GMDS: variants seen among roughly 807,000 people sequenced by gnomAD.
GMDS encodes the protein GDP-mannose 4,6-dehydratase.
Under a neutral mutation model 49.9 loss-of-function variants are expected in GMDS, and 20 were observed. The ratio of observed to expected loss-of-function variants is 0.40; its 90% CI spans 0.28 to 0.58. The LOEUF is 0.58. GMDS is among the 20% of genes least tolerant of loss of function. The probability of loss-of-function intolerance (pLI) is 0.42; values close to 1 mark genes in which losing one functional copy is unlikely to be tolerated. For synonymous variants in GMDS, 177 were observed against 178.6 expected, an observed-to-expected ratio of 0.99 and a Z score of 0.07; for missense variants, 362 against 481.4, an observed-to-expected ratio of 0.75 and a Z score of 2.32.
intron 6 of GMDS, among the ~76,000 whole-genome samples, chr6:1,936,164 G>A (rs1762520347): frequency 6.6e-6 from 1 of 152,152 alleles, no homozygotes; most frequent in Non-Finnish European, 1.5e-5. Flanking sequence ...TTAAGCAAGT[G>A]TTTTAATTTC....
intron 6 of GMDS, among the ~76,000 whole-genome samples, chr6:1,955,999 G>A (rs1410559266): frequency 2.0e-5 from 3 of 152,134 alleles, no homozygotes; most frequent in Non-Finnish European, 4.4e-5. Flanking sequence ...GGAGCACTTG[G>A]TTACCTGCAT....
chr6:2,016,148 A>G (rs1767887116), intron 4 of GMDS, among the ~76,000 whole-genome samples: 1 of 151,218 alleles, frequency 6.6e-6, no homozygotes. Flanking sequence ...AGTCCCAGCT[A>G]CTTGGGAGGC....
chr6:1,696,168 A>G (rs1345050350), intron 9 of GMDS, among the ~76,000 whole-genome samples: 2 of 152,134 alleles, frequency 1.3e-5, no homozygotes, highest in Non-Finnish European at 2.9e-5. Context: ...TTTCAGCAAA[A>G]AGAAAATCAC....
chr6:1,799,744 T>C (rs189649489), intron 7 of GMDS, among the ~76,000 whole-genome samples: 2 of 152,310 alleles, frequency 1.3e-5, no homozygotes, highest in East Asian at 3.9e-4. Context: ...TAATGCTGTA[T>C]GTTGCCACTA....
intron 7 of GMDS, among the ~76,000 whole-genome samples, chr6:1,783,049 G>T (rs112309905): frequency 1.3e-5 from 2 of 152,166 alleles, no homozygotes; most frequent in Admixed American, 1.3e-4. Context: ...CAGCTACTCT[G>T]GAAGCTGAGG....
intron 9 of GMDS, among the ~76,000 whole-genome samples, chr6:1,704,789 T>C (rs1765672575): frequency 6.6e-6 from 1 of 152,004 alleles, no homozygotes; most frequent in South Asian, 2.1e-4. Context: ...GGAGCTTGCT[T>C]TGTGGATTAA....
chr6:1,748,220 T>C (rs1292297372), intron 7 of GMDS, among the ~76,000 whole-genome samples: 2 of 152,220 alleles, frequency 1.3e-5, no homozygotes, highest in East Asian at 3.8e-4. Flanking sequence ...TCATTCTGAA[T>C]CAGTTTTCTA....
rs376131886 is a variant in GMDS at position 1,878,184 on chromosome 6, G to A, written c.771+51919C>T. Reference sequence around the variant, plus strand: ...CAAAAAATTAGCCAGGCGTGGTGGCGGGCACCTGTAGTCCCAGCTACTTGG... The same window carrying A: ...CAAAAAATTAGCCAGGCGTGGTGGCAGGCACCTGTAGTCCCAGCTACTTGG... On this transcript the variant is annotated intron_variant, in intron 7 of 10. Transcript: ENST00000380815. Among the ~76,000 whole-genome samples the A allele has an allele frequency of 8.6e-4, 130 of 151,872 alleles. 1 individual carries two copies. The East Asian group carries it at 0.017, about 20-fold the overall frequency.
intron 1 of GMDS, among the ~76,000 whole-genome samples, chr6:2,165,586 C>G (rs748335397): frequency 3.9e-5 from 6 of 152,236 alleles, no homozygotes; most frequent in Non-Finnish European, 8.8e-5. Context: ...CTCACAGATA[C>G]ACCCAGAATG....
chr6:1,972,344 T>A (rs1413993192), intron 4 of GMDS, among the ~76,000 whole-genome samples: 2 of 151,752 alleles, frequency 1.3e-5, no homozygotes, highest in Admixed American at 6.6e-5. Flanking sequence ...TTAGATGCCT[T>A]TTCTCTGTCA....
intron 4 of GMDS, among the ~76,000 whole-genome samples, chr6:2,044,231 T>G (rs970442030): frequency 6.6e-6 from 1 of 152,156 alleles, no homozygotes; most frequent in Non-Finnish European, 1.5e-5. Context: ...CAAAGAAATG[T>G]AAATAACTCT....
Position 2,158,269 on chromosome 6 carries a change from A to G in GMDS, c.103-33538T>C, listed in dbSNP as rs145998298. 2.1e-3 allele frequency among the ~76,000 whole-genome samples: 318 copies of G among 152,284 alleles called. 2 individuals carry two copies. Among genetic ancestry groups the G allele is most frequent in the African/African-American group, 7.3e-3 (303 of 41,542 alleles). On this transcript the variant is annotated intron_variant, in intron 1 of 10. Coordinates refer to ENST00000380815, the MANE Select transcript of GMDS (RefSeq NM_001500.4). ...AGTTTAAAAACAATAGCAAAATAAA[A>G]CATATGTACGCATAAGGGAAACAGA...
At chr6:2,206,261 GA>G (rs796113745) in intron 1 of GMDS, among the ~76,000 whole-genome samples, 3 of 146,706 alleles carry the variant, frequency 2.0e-5, no homozygotes, top group African/African-American at 5.0e-5. Context: ...TCCATCTCAA[GA>G]AAAAAAAAAG....
rs189399188 is a variant in GMDS at position 1,923,687 on chromosome 6, G to A, written c.771+6416C>T. Among the ~76,000 whole-genome samples, 22 of 152,336 alleles carry A rather than the reference G, an allele frequency of 1.4e-4. No individual in the cohort carries two copies. In the East Asian group the frequency reaches 2.9e-3, roughly 20 times the overall value. ...GTTGAGCATGGTGGGCCAAGTAAAC[G>A]GAGCACCCTGTCACAAGTCCAGTGA... is the stretch of plus-strand genomic sequence containing the variant. On this transcript the variant is annotated intron_variant, in intron 7 of 10. Transcript: ENST00000380815.
intron 7 of GMDS, among the ~76,000 whole-genome samples, chr6:1,899,432 T>C (rs1317928671): frequency 6.6e-6 from 1 of 152,210 alleles, no homozygotes; most frequent in African/African-American, 2.4e-5. Context: ...GAGTAGCAGT[T>C]ACAATGCTTG....
chr6:2,235,831 G>GAA (rs545858150), intron 1 of GMDS, among the ~76,000 whole-genome samples: 2 of 129,726 alleles, frequency 1.5e-5, no homozygotes, highest in Non-Finnish European at 1.7e-5. Context: ...AAAAAAATAA[G>GAA]AAAAAAAAAA....
intron 7 of GMDS, among the ~76,000 whole-genome samples, chr6:1,813,143 G>C (rs1252725413): frequency 1.4e-5 from 2 of 147,116 alleles, no homozygotes; most frequent in Non-Finnish European, 3.0e-5. Context: ...GATGACTTGA[G>C]CCTAGGAGTT....
chr6:2,122,929 A>T (rs1043918571), intron 2 of GMDS, among the ~76,000 whole-genome samples: 1 of 152,198 alleles, frequency 6.6e-6, no homozygotes, highest in African/African-American at 2.4e-5. Context: ...TGATTTGCCA[A>T]GTGGGCCTTC....
chr6:1,710,070 T>A (rs1765891437), intron 9 of GMDS, among the ~76,000 whole-genome samples: 2 of 152,184 alleles, frequency 1.3e-5, no homozygotes, highest in African/African-American at 4.8e-5. Flanking sequence ...TATTTAAAAA[T>A]TGTTTTTATA....
Sources: gnomAD v4.1 joint callset for allele counts (sites outside exome capture counted in the v4.1 genomes callset) on GRCh38, gnomAD v4.1.1 for gene constraint, MANE v1.5 for transcripts, NCBI Gene and HGNC (gene_info 2026-07-23, HGNC 2026-07-21) for gene names.